TTC28: variants seen among roughly 807,000 people sequenced by gnomAD.
TTC28 encodes tetratricopeptide repeat protein 28.
TTC28 carries 61 observed loss-of-function variants against 198.0 expected under a neutral mutation model. That is an observed-to-expected ratio of 0.31 (90% CI 0.25 to 0.38). The LOEUF is 0.38. Ranked by LOEUF, TTC28 falls within the 10% of genes least tolerant of loss-of-function variation. The pLI is 1.00. For synonymous variants in TTC28, 1,171 were observed against 1,297.8 expected (o/e 0.90, Z 2.10); for missense variants, 2,678 against 3,164.0 (o/e 0.85, Z 3.69).
chr22:28,035,011 A>G (rs1363864979), intron 12 of TTC28, among the ~76,000 whole-genome samples: 1 of 152,222 alleles, frequency 6.6e-6, no homozygotes, highest in East Asian at 1.9e-4. Context: ...TCTTGGGGAC[A>G]GGGCTTGGCA....
chr22:28,020,193 C>T (rs567970341), intron 13 of TTC28, among the ~76,000 whole-genome samples: 1 of 152,338 alleles, frequency 6.6e-6, no homozygotes, highest in East Asian at 1.9e-4. Context: ...AGCTGCACCA[C>T]CCCGGGGCTC....
intron 5 of TTC28, among the ~76,000 whole-genome samples, chr22:28,241,104 G>A (rs538233468): frequency 5.9e-5 from 9 of 152,176 alleles, no homozygotes; most frequent in African/African-American, 2.2e-4. Flanking sequence ...AGAGAAACCT[G>A]GCAGACCCCA....
intron 5 of TTC28, among the ~76,000 whole-genome samples, chr22:28,275,856 G>GA (rs1932386595): frequency 6.6e-6 from 1 of 152,110 alleles, no homozygotes; most frequent in South Asian, 2.1e-4. Flanking sequence ...TGTGGGGTGG[G>GA]AGCTGGTAAG....
chr22:28,342,336 G>C (rs565405467), intron 2 of TTC28, among the ~76,000 whole-genome samples: 1 of 152,210 alleles, frequency 6.6e-6, no homozygotes, highest in South Asian at 2.1e-4. Flanking sequence ...AGAGTAAGCT[G>C]GATTTCCACT....
At chr22:28,532,707 T>C (rs1312058986) in intron 2 of TTC28, among the ~76,000 whole-genome samples, 2 of 152,120 alleles carry the variant, frequency 1.3e-5, no homozygotes, top group Admixed American at 6.6e-5. Flanking sequence ...GGCTTATCCA[T>C]CACAATCAAG....
intron 5 of TTC28, among the ~76,000 whole-genome samples, chr22:28,242,883 C>T (rs1929761559): frequency 6.6e-6 from 1 of 151,758 alleles, no homozygotes; most frequent in Non-Finnish European, 1.5e-5. Context: ...GCAGGCATGA[C>T]CTGATACACT....
chr22:28,148,019 G>C (rs1943509412), intron 6 of TTC28, among the ~76,000 whole-genome samples: 1 of 152,172 alleles, frequency 6.6e-6, no homozygotes, highest in Admixed American at 6.5e-5. Context: ...TTGTCTAAAA[G>C]TCATAAATAT....
At chr22:28,222,535 T>C (rs557535097) in intron 5 of TTC28, among the ~76,000 whole-genome samples, 8 of 152,346 alleles carry the variant, frequency 5.3e-5, no homozygotes, top group South Asian at 2.1e-4. Flanking sequence ...TGTGAGACTT[T>C]AATGAGTAAA....
intron 5 of TTC28, among the ~76,000 whole-genome samples, chr22:28,273,749 G>A (rs1311230687): frequency 6.6e-6 from 1 of 152,060 alleles, no homozygotes; most frequent in Non-Finnish European, 1.5e-5. Flanking sequence ...AATTCAAGAA[G>A]CTCAGTGAAT....
Position 28,411,565 on chromosome 22 carries a change from T to C in TTC28, c.382-104922A>G, listed in dbSNP as rs114939860. ...AATACCATGTTCCCTGACAACTAAA[T>C]GAGAACTACATCCTTTCCAAAAAGG... On this transcript the variant is annotated intron_variant, in intron 2 of 22. Coordinates refer to ENST00000397906, the MANE Select transcript of TTC28 (RefSeq NM_001145418.2). Among the ~76,000 whole-genome samples, 692 of 152,290 alleles carry C rather than the reference T, an allele frequency of 4.5e-3. 2 individuals carry two copies. Among genetic ancestry groups the C allele is most frequent in the African/African-American group, 0.016 (656 of 41,562 alleles).
At chr22:28,640,426 A>G (rs1261845992) in intron 1 of TTC28, among the ~76,000 whole-genome samples, 1 of 151,902 alleles carries the variant, frequency 6.6e-6, no homozygotes, top group African/African-American at 2.4e-5. Context: ...ACAATATTTG[A>G]ATACCAATGA....
intron 2 of TTC28, among the ~76,000 whole-genome samples, chr22:28,625,289 A>T (rs1252512803): frequency 2.6e-5 from 4 of 152,254 alleles, no homozygotes; most frequent in African/African-American, 9.6e-5. Flanking sequence ...TTACCTGCAG[A>T]CATTACCATG....
At chr22:28,458,624 G>A (rs1416326014) in intron 2 of TTC28, among the ~76,000 whole-genome samples, 2 of 152,166 alleles carry the variant, frequency 1.3e-5, no homozygotes, top group Admixed American at 6.5e-5. Flanking sequence ...GCTCACGCCT[G>A]TAATCCCAGC....
In TTC28 at chr22:28,265,936, T is replaced by G. The variant is rs116863661; in HGVS notation, c.933+30262A>C. Among the ~76,000 whole-genome samples the G allele has an allele frequency of 3.2e-3, 489 of 152,244 alleles. 7 individuals carry two copies. In the East Asian group the frequency reaches 0.05, roughly 16 times the overall value. Reference sequence around the variant, plus strand: ...TTGCAGGGCATGTAATCCCAGCACTTTGGAAGGCCAAGGAGGGCAGATCAC... The same window carrying G: ...TTGCAGGGCATGTAATCCCAGCACTGTGGAAGGCCAAGGAGGGCAGATCAC... On this transcript the variant is annotated intron_variant, in intron 5 of 22. Transcript: ENST00000397906.
At chr22:28,513,747 T>C (rs1042873056) in intron 2 of TTC28, among the ~76,000 whole-genome samples, 1 of 152,138 alleles carries the variant, frequency 6.6e-6, no homozygotes, top group African/African-American at 2.4e-5. Context: ...CCAAATTTTG[T>C]AAAAATAAAA....
chr22:28,597,416 T>C (rs1358815264), intron 2 of TTC28, among the ~76,000 whole-genome samples: 1 of 152,186 alleles, frequency 6.6e-6, no homozygotes, highest in East Asian at 1.9e-4. Flanking sequence ...TAATATTACA[T>C]TGTAACAACA....
intron 5 of TTC28, among the ~76,000 whole-genome samples, chr22:28,181,066 T>C (rs1227802564): frequency 6.6e-6 from 1 of 152,210 alleles, no homozygotes; most frequent in Non-Finnish European, 1.5e-5. Context: ...CTTAGAGAGC[T>C]GTTAGTGATA....
At chr22:28,504,267 A>T (rs2048573140) in intron 2 of TTC28, among the ~76,000 whole-genome samples, 1 of 152,210 alleles carries the variant, frequency 6.6e-6, no homozygotes, top group African/African-American at 2.4e-5. Flanking sequence ...AAAACAAGTA[A>T]AAGTGAGATA....
At chr22:28,629,083 A>G (rs941373134) in intron 2 of TTC28, among the ~76,000 whole-genome samples, 2 of 152,162 alleles carry the variant, frequency 1.3e-5, no homozygotes, top group Non-Finnish European at 2.9e-5. Context: ...GGGACTATTC[A>G]AGGGAATACA....
Sources: allele counts gnomAD v4.1 joint callset (sites outside exome capture counted in the v4.1 genomes callset), GRCh38; gene constraint gnomAD v4.1.1; transcripts MANE v1.5; gene names NCBI Gene and HGNC (gene_info 2026-07-23, HGNC 2026-07-21).